IRAK1BP1: variants seen among roughly 807,000 people sequenced by gnomAD.
IRAK1BP1 encodes the protein interleukin 1 receptor associated kinase 1 binding protein 1, also known as interleukin-1 receptor-associated kinase 1-binding protein 1.
A neutral mutation model predicts 28.0 loss-of-function variants in IRAK1BP1; 24 were observed. The ratio of observed to expected loss-of-function variants is 0.86; its 90% CI spans 0.62 to 1.20. IRAK1BP1 has a LOEUF of 1.20. IRAK1BP1 is among the 50% of genes most tolerant of loss of function. The pLI is 0.00. For missense variants in IRAK1BP1, 336 were observed against 316.7 expected, an observed-to-expected ratio of 1.06 and a Z score of -0.46; for synonymous variants, 131 against 116.3, an observed-to-expected ratio of 1.13 and a Z score of -0.81.
the IRAK1BP1 span, among the ~76,000 whole-genome samples, chr6:78,975,552 G>A: frequency 3.3e-5 from 5 of 152,094 alleles, no homozygotes; most frequent in African/African-American, 1.2e-4. Context: ...GGAAAGAAAG[G>A]GTATTCAATT....
chr6:78,958,485 G>A, the IRAK1BP1 span: 4 of 1,520,750 alleles, frequency 2.6e-6, no homozygotes, highest in Non-Finnish European at 2.7e-6. Context: ...TTTATAAAAT[G>A]TAGAAGAAGA....
chr6:78,943,691 A>G (rs1773631645), intron 4 of IRAK1BP1, among the ~76,000 whole-genome samples: 1 of 152,184 alleles, frequency 6.6e-6, no homozygotes, highest in Non-Finnish European at 1.5e-5. Context: ...TGGGACATAA[A>G]GATGGAAGTG....
intron 1 of IRAK1BP1, chr6:78,872,198 G>A (rs1227227452): frequency 1.9e-5 from 13 of 677,326 alleles, no homozygotes; most frequent in East Asian, 1.4e-4. Context: ...TGACCACAGC[G>A]GTAATTTGCT....
chr6:78,922,420 A>G (rs555874238), intron 4 of IRAK1BP1, among the ~76,000 whole-genome samples: 2 of 152,350 alleles, frequency 1.3e-5, no homozygotes, highest in Non-Finnish European at 2.9e-5. Context: ...ATATAGGACT[A>G]TGTGAAAAGA....
At chr6:78,893,314 G>GTGTATGTATATATA (rs1273555034) in intron 2 of IRAK1BP1, among the ~76,000 whole-genome samples, 1 of 103,432 alleles carries the variant, frequency 9.7e-6, no homozygotes. Context: ...GTGTGTGTGT[G>GTGTATGTATATATA]TATATATATA....
chr6:78,950,317 C>T (rs1582090797), downstream of IRAK1BP1, among the ~76,000 whole-genome samples: 1 of 152,252 alleles, frequency 6.6e-6, no homozygotes, highest in Middle Eastern at 3.4e-3. Flanking sequence ...TTCTTCTTTT[C>T]TACTCTTATT....
At chr6:78,930,757 C>A (rs947497572) in intron 4 of IRAK1BP1, among the ~76,000 whole-genome samples, 31 of 151,976 alleles carry the variant, frequency 2.0e-4, no homozygotes, top group Admixed American at 4.6e-4. Context: ...CATGGTGAAA[C>A]CTTGTCTCTA....
At chr6:78,969,739 C>T in the IRAK1BP1 span, 149 of 576,018 alleles carry the variant, frequency 2.6e-4, 1 homozygote, top group South Asian at 4.2e-3. Flanking sequence ...AAAGATTTCT[C>T]TGATAATCTT....
rs376616667 is a variant in IRAK1BP1, at chr6:78,867,697, C to G, written c.121C>G (p.Leu41Val). The change falls in exon 1 of 4, where the codon CTC (leucine) becomes GTC (valine). Residue 41 changes from leucine to valine, a missense_variant. Leu to Val is a conservative substitution (Grantham distance 32). Coordinates refer to ENST00000369940, the MANE Select transcript of IRAK1BP1 (RefSeq NM_001010844.4). The part of the protein sequence containing the change: ...RETLPGLRHP[L>V]SSTQAQTATR... ...GACGCTACCGGGCTTACGCCACCCC[C>G]TCTCCTCAACACAAGCCCAAACTGC... 7 of 1,614,160 alleles carry G rather than the reference C, an allele frequency of 4.3e-6. No individual in the cohort carries two copies. The African/African-American group carries it at 6.7e-5, about 15-fold the overall frequency.
chr6:78,881,093 A>G (rs1349534814), intron 1 of IRAK1BP1, among the ~76,000 whole-genome samples: 1 of 152,222 alleles, frequency 6.6e-6, no homozygotes, highest in Non-Finnish European at 1.5e-5. Context: ...AGCTTTATTC[A>G]TAACTTCTAA....
chr6:78,925,431 A>C (rs1772860887), intron 4 of IRAK1BP1, among the ~76,000 whole-genome samples: 1 of 152,214 alleles, frequency 6.6e-6, no homozygotes, highest in Non-Finnish European at 1.5e-5. Flanking sequence ...AAGCATATGA[A>C]AAAATGCTCA....
At chr6:78,888,296 A>G (rs1771502408) in intron 2 of IRAK1BP1, among the ~76,000 whole-genome samples, 1 of 152,176 alleles carries the variant, frequency 6.6e-6, no homozygotes, top group East Asian at 1.9e-4. Context: ...CAGTTAACAC[A>G]GTGTTGTGCA....
chr6:78,915,316 A>G (rs952846725), intron 4 of IRAK1BP1, among the ~76,000 whole-genome samples: 33 of 152,350 alleles, frequency 2.2e-4, no homozygotes, highest in Admixed American at 2.0e-3. Context: ...AGAAGTTGGA[A>G]AATATGGCAA....
At chr6:78,964,620 GT>G in the IRAK1BP1 span, among the ~76,000 whole-genome samples, 6 of 152,066 alleles carry the variant, frequency 3.9e-5, no homozygotes, top group Non-Finnish European at 8.8e-5. Context: ...AACCTTCTGA[GT>G]AGCTGGGACT....
intron 2 of IRAK1BP1, among the ~76,000 whole-genome samples, chr6:78,889,166 A>G (rs1399837393): frequency 1.3e-5 from 2 of 151,422 alleles, no homozygotes. Context: ...GTGGAACATT[A>G]CTTTTGACAT....
chr6:78,880,767 C>T (rs775081475), intron 1 of IRAK1BP1, among the ~76,000 whole-genome samples: 2 of 152,134 alleles, frequency 1.3e-5, no homozygotes, highest in Non-Finnish European at 2.9e-5. Context: ...CAAATAGGCA[C>T]ATGAAAAGAT....
At chr6:78,887,046 C>T (rs967184086) in intron 2 of IRAK1BP1, among the ~76,000 whole-genome samples, 1 of 152,126 alleles carries the variant, frequency 6.6e-6, no homozygotes, top group African/African-American at 2.4e-5. Flanking sequence ...CCAACCTAAG[C>T]ATTAATAACA....
At chr6:78,946,944 A>C, downstream of IRAK1BP1, 2 of 840,754 alleles carry the variant, frequency 2.4e-6, no homozygotes, top group Non-Finnish European at 3.7e-6. Flanking sequence ...AAATACTGTA[A>C]TGTAAATATT....
intron 1 of IRAK1BP1, chr6:78,872,070 T>A: frequency 1.4e-6 from 1 of 697,644 alleles, no homozygotes; most frequent in South Asian, 1.5e-5. Context: ...AGAACTAGAA[T>A]GACTGAGGGA....
Sources: gnomAD v4.1 joint callset for allele counts (sites outside exome capture counted in the v4.1 genomes callset) on GRCh38, gnomAD v4.1.1 for gene constraint, MANE v1.5 for transcripts, NCBI Gene and HGNC (gene_info 2026-07-23, HGNC 2026-07-21) for gene names.